The following GALNTL6 variants were observed in gnomAD, a reference collection of about 807,000 sequenced individuals.
The protein encoded by GALNTL6 is polypeptide N-acetylgalactosaminyltransferase like 6, also known as polypeptide N-acetylgalactosaminyltransferase-like 6.
A neutral mutation model predicts 73.7 loss-of-function variants in GALNTL6; 46 were observed. The ratio of observed to expected loss-of-function variants is 0.62; its 90% CI spans 0.49 to 0.80. The LOEUF is 0.80. Ranked by LOEUF, GALNTL6 falls within the 30% of genes least tolerant of loss-of-function variation. The pLI, the probability that GALNTL6 is intolerant of heterozygous loss-of-function variation, is 0.00. For missense variants in GALNTL6, 604 were observed against 755.0 expected, an observed-to-expected ratio of 0.80 and a Z score of 2.34; for synonymous variants, 259 against 263.7, an observed-to-expected ratio of 0.98 and a Z score of 0.17.
At chr4:172,271,868 G>A (rs145480097) in intron 3 of GALNTL6, among the ~76,000 whole-genome samples, 53 of 151,840 alleles carry the variant, frequency 3.5e-4, no homozygotes, top group East Asian at 1.2e-3. Context: ...TTTATGATCC[G>A]TTTCATAATT....
intron 5 of GALNTL6, among the ~76,000 whole-genome samples, chr4:172,487,781 A>G (rs936577475): frequency 2.0e-5 from 3 of 152,190 alleles, no homozygotes; most frequent in Admixed American, 2.0e-4. Flanking sequence ...GTAAATTGAA[A>G]CAGAGAACCT....
chr4:172,770,335 T>C (rs926818613), intron 5 of GALNTL6, among the ~76,000 whole-genome samples: 1 of 151,876 alleles, frequency 6.6e-6, no homozygotes, highest in South Asian at 2.1e-4. Context: ...GCATAGTTCC[T>C]GCCACATATT....
chr4:171,823,590 C>CAT (rs5864096), intron 2 of GALNTL6, among the ~76,000 whole-genome samples: 39 of 148,892 alleles, frequency 2.6e-4, no homozygotes, highest in African/African-American at 8.9e-4. Context: ...TACACACACA[C>CAT]ATATATATAT....
intron 8 of GALNTL6, among the ~76,000 whole-genome samples, chr4:172,925,870 G>T (rs568430679): frequency 6.6e-6 from 1 of 152,300 alleles, no homozygotes; most frequent in Admixed American, 6.5e-5. Context: ...AACTAAGTAT[G>T]TGGTCATCTG....
At chr4:172,169,224 C>A (rs1435298812) in intron 2 of GALNTL6, among the ~76,000 whole-genome samples, 1 of 152,218 alleles carries the variant, frequency 6.6e-6, no homozygotes, top group South Asian at 2.1e-4. Flanking sequence ...GAACAGTCTC[C>A]CAGTCTGAGA....
At chr4:172,938,683 C>T (rs573699908) in intron 9 of GALNTL6, among the ~76,000 whole-genome samples, 2 of 152,296 alleles carry the variant, frequency 1.3e-5, no homozygotes, top group South Asian at 4.1e-4. Context: ...ACAACAACAG[C>T]AGCACCACTT....
rs941971721 is a variant in GALNTL6, at chr4:172,219,679, C to T, written c.139-9977C>T. ...TTGAAATAATTAGCTGTGAAAGTCA[C>T]GGTCCAAGACCCTTTTAAGATTTAG... is the stretch of plus-strand genomic sequence containing the variant. On this transcript the variant is annotated intron_variant, in intron 2 of 12. Transcript: ENST00000506823. Among the ~76,000 whole-genome samples the T allele has an allele frequency of 4.6e-5, 7 of 151,848 alleles. No homozygotes were observed. In the South Asian group the frequency reaches 8.3e-4, roughly 18 times the overall value.
chr4:172,933,451 G>A (rs1748456572), intron 9 of GALNTL6, among the ~76,000 whole-genome samples: 1 of 151,958 alleles, frequency 6.6e-6, no homozygotes. Context: ...ACTGGGGTTG[G>A]CACATAAAAC....
intron 2 of GALNTL6, among the ~76,000 whole-genome samples, chr4:171,886,606 G>A (rs1023026648): frequency 3.3e-5 from 5 of 152,152 alleles, no homozygotes; most frequent in African/African-American, 9.7e-5. Flanking sequence ...CCAGTTCCAC[G>A]TGGCTGTGGT....
intron 7 of GALNTL6, among the ~76,000 whole-genome samples, chr4:172,876,789 T>G (rs1745219453): frequency 1.3e-5 from 2 of 152,236 alleles, no homozygotes; most frequent in Admixed American, 6.5e-5. Context: ...GCTTTCATAC[T>G]TCAAAGTGTT....
intron 2 of GALNTL6, among the ~76,000 whole-genome samples, chr4:171,869,654 G>A (rs1736080342): frequency 6.6e-6 from 1 of 152,050 alleles, no homozygotes; most frequent in Non-Finnish European, 1.5e-5. Context: ...TTCTGATATG[G>A]TTTGGCTGTG....
chr4:172,123,525 T>C (rs1293191117), intron 2 of GALNTL6, among the ~76,000 whole-genome samples: 1 of 108,822 alleles, frequency 9.2e-6, no homozygotes, highest in African/African-American at 3.7e-5. Flanking sequence ...TTTTTTGAGA[T>C]GGAGTCTCAC....
intron 4 of GALNTL6, among the ~76,000 whole-genome samples, chr4:172,346,598 A>G (rs1741748521): frequency 6.6e-6 from 1 of 152,134 alleles, no homozygotes; most frequent in African/African-American, 2.4e-5. Context: ...AATCTTCTAC[A>G]CTATCCATTT....
At chr4:172,390,371 C>G (rs1743620655) in intron 5 of GALNTL6, among the ~76,000 whole-genome samples, 1 of 152,174 alleles carries the variant, frequency 6.6e-6, no homozygotes, top group Non-Finnish European at 1.5e-5. Flanking sequence ...TGCTTGTGTT[C>G]TCTGCACTTT....
intron 10 of GALNTL6, among the ~76,000 whole-genome samples, chr4:173,003,372 A>G (rs1296127340): frequency 6.6e-6 from 1 of 152,202 alleles, no homozygotes; most frequent in Non-Finnish European, 1.5e-5. Context: ...ATACACACTG[A>G]AGAACAGGCC....
intron 12 of GALNTL6, among the ~76,000 whole-genome samples, chr4:173,028,203 G>T (rs1019506538): frequency 2.6e-5 from 4 of 151,994 alleles, no homozygotes; most frequent in Non-Finnish European, 5.9e-5. Flanking sequence ...GAATAGCTAA[G>T]AAAATCTTGA....
intron 7 of GALNTL6, among the ~76,000 whole-genome samples, chr4:172,863,827 A>G (rs1744520168): frequency 6.6e-6 from 1 of 152,152 alleles, no homozygotes; most frequent in South Asian, 2.1e-4. Flanking sequence ...CAGGGGTGGA[A>G]TTATATGGTT....
intron 5 of GALNTL6, chr4:172,380,393 A>G (rs1190883154): frequency 3.1e-6 from 2 of 649,888 alleles, no homozygotes; most frequent in Non-Finnish European, 5.9e-6. Context: ...AAAATAATGG[A>G]TGTTGCTCTC....
chr4:172,478,973 C>A (rs1412372400), intron 5 of GALNTL6, among the ~76,000 whole-genome samples: 1 of 152,150 alleles, frequency 6.6e-6, no homozygotes, highest in African/African-American at 2.4e-5. Context: ...TACCACCTTA[C>A]CCTAGTCAGA....
Sources: gnomAD v4.1 joint callset for allele counts (sites outside exome capture counted in the v4.1 genomes callset) on GRCh38, gnomAD v4.1.1 for gene constraint, MANE v1.5 for transcripts, NCBI Gene and HGNC (gene_info 2026-07-23, HGNC 2026-07-21) for gene names.